Variants in CADM2 observed in about 807,000 individuals in gnomAD.
CADM2 encodes the protein immunoglobulin superfamily member 4D.
In CADM2, 12 loss-of-function variants were observed where a neutral mutation model predicts 49.8. The ratio of observed to expected loss-of-function variants is 0.24; its 90% confidence interval spans 0.15 to 0.39. The LOEUF (loss-of-function observed/expected upper bound fraction) is 0.39. Among genes scored for constraint, CADM2 ranks in the 10% least tolerant of loss-of-function variants. CADM2 has a pLI of 1.00. For missense variants in CADM2, 378 were observed against 492.3 expected (o/e 0.77, Z 2.20); for synonymous variants, 214 against 175.4 (o/e 1.22, Z -1.74).
chr3:86,018,193 C>A (rs1732577061), intron 8 of CADM2, among the ~76,000 whole-genome samples: 1 of 123,966 alleles, frequency 8.1e-6, no homozygotes, highest in Non-Finnish European at 1.7e-5. Context: ...CATGTCCCTA[C>A]AAAGGACATG....
intron 1 of CADM2, among the ~76,000 whole-genome samples, chr3:85,178,051 G>A (rs934832258): frequency 6.6e-6 from 1 of 151,802 alleles, no homozygotes; most frequent in African/African-American, 2.4e-5. Flanking sequence ...CTGTACTACT[G>A]TTCTGAAACA....
At chr3:85,970,433 T>C (rs1408533338) in intron 8 of CADM2, among the ~76,000 whole-genome samples, 2 of 151,530 alleles carry the variant, frequency 1.3e-5, no homozygotes, top group African/African-American at 4.8e-5. Flanking sequence ...TTTAGTTTTA[T>C]TCAGGGATTG....
intron 1 of CADM2, among the ~76,000 whole-genome samples, chr3:85,258,811 G>A (rs7635613): frequency 0.23 from 34,330 of 151,950 alleles, 6,462 homozygotes; most frequent in African/African-American, 0.52. Context: ...ACGAAGAATG[G>A]AAGATGGCAT....
intron 1 of CADM2, among the ~76,000 whole-genome samples, chr3:84,983,626 C>A (rs868279067): frequency 6.6e-6 from 1 of 151,954 alleles, no homozygotes; most frequent in Non-Finnish European, 1.5e-5. Context: ...AATTAGGAAA[C>A]GAAGAGAAGT....
intron 1 of CADM2, among the ~76,000 whole-genome samples, chr3:85,225,109 T>G (rs1283934209): frequency 6.6e-6 from 1 of 152,186 alleles, no homozygotes; most frequent in Non-Finnish European, 1.5e-5. Context: ...CATATGAACT[T>G]TAAAGTAGTT....
At chr3:85,912,937 T>C (rs955934038) in intron 6 of CADM2, among the ~76,000 whole-genome samples, 18 of 152,206 alleles carry the variant, frequency 1.2e-4, no homozygotes, top group Non-Finnish European at 2.1e-4. Context: ...TTCTCAGCTA[T>C]GCTTTTAAGA....
At chr3:85,704,961 C>G (rs2066895861) in intron 1 of CADM2, among the ~76,000 whole-genome samples, 1 of 150,752 alleles carries the variant, frequency 6.6e-6, no homozygotes, top group South Asian at 2.1e-4. Flanking sequence ...CGGGTTCACG[C>G]CATCCTACTG....
chr3:85,300,244 G>A (rs1236188984), intron 1 of CADM2, among the ~76,000 whole-genome samples: 2 of 152,054 alleles, frequency 1.3e-5, no homozygotes, highest in Admixed American at 1.3e-4. Flanking sequence ...GAGCAGGTCT[G>A]GGAAGAAGGT....
chr3:85,597,704 T>A (rs1035105144), intron 1 of CADM2, among the ~76,000 whole-genome samples: 4 of 152,070 alleles, frequency 2.6e-5, no homozygotes, highest in South Asian at 2.1e-4. Context: ...AAAGTGCATC[T>A]TAAAATCTGA....
At chr3:85,976,521 G>T (rs1302120243) in intron 8 of CADM2, among the ~76,000 whole-genome samples, 2 of 151,494 alleles carry the variant, frequency 1.3e-5, no homozygotes, top group Non-Finnish European at 3.0e-5. Context: ...CTGAAATAAT[G>T]GGGTGGTCTT....
intron 5 of CADM2, among the ~76,000 whole-genome samples, chr3:85,895,944 G>A (rs904391112): frequency 6.6e-6 from 1 of 152,170 alleles, no homozygotes; most frequent in Middle Eastern, 3.4e-3. Context: ...TCAGCCTTGG[G>A]GGTGTCTTTA....
At chr3:85,142,447 A>C (rs1352830482) in intron 1 of CADM2, among the ~76,000 whole-genome samples, 4 of 152,204 alleles carry the variant, frequency 2.6e-5, no homozygotes, top group Non-Finnish European at 5.9e-5. Flanking sequence ...GAAATTATCC[A>C]AAAGGATTTG....
chr3:85,836,996 G>A (rs2074438418), intron 3 of CADM2, among the ~76,000 whole-genome samples: 1 of 151,464 alleles, frequency 6.6e-6, no homozygotes, highest in Non-Finnish European at 1.5e-5. Context: ...ATTTTCTTCT[G>A]TAGTTGTAAA....
At chr3:85,382,256 A>G (rs1029002061) in intron 1 of CADM2, among the ~76,000 whole-genome samples, 1 of 152,198 alleles carries the variant, frequency 6.6e-6, no homozygotes, top group African/African-American at 2.4e-5. Flanking sequence ...ATTGGCAGAG[A>G]AGTGCTTATA....
chr3:84,982,757 T>A lies in CADM2; in HGVS notation c.61+23089T>A, dbSNP rs1404993746. ...TATACATTTTTTGTTTTTTTAATTT[T>A]TTTTTTGAGACTTAGTCTTGCTCTA... On this transcript the variant is annotated intron_variant, in intron 1 of 9. Transcript: ENST00000383699. Among the ~76,000 whole-genome samples, 3 of 146,158 alleles carry A rather than the reference T, an allele frequency of 2.1e-5. No homozygotes were observed. In the East Asian group the frequency reaches 6.0e-4, roughly 29 times the overall value.
chr3:84,965,588 C>T (rs1368644697), intron 1 of CADM2, among the ~76,000 whole-genome samples: 1 of 152,126 alleles, frequency 6.6e-6, no homozygotes, highest in Admixed American at 6.5e-5. Flanking sequence ...TAATTTTCTT[C>T]CAAACTATCG....
At chr3:85,659,070 A>ATAATAAT (rs950349061) in intron 1 of CADM2, among the ~76,000 whole-genome samples, 7 of 148,420 alleles carry the variant, frequency 4.7e-5, no homozygotes, top group African/African-American at 1.7e-4. Context: ...AATAATAATA[A>ATAATAAT]TAATAATAAT....
chr3:86,020,036 A>G (rs1732912432), intron 8 of CADM2, among the ~76,000 whole-genome samples: 1 of 152,220 alleles, frequency 6.6e-6, no homozygotes, highest in Non-Finnish European at 1.5e-5. Flanking sequence ...CCTTCAAAAA[A>G]TTAATCCAGG....
At chr3:85,809,967 T>A (rs1463911685) in intron 3 of CADM2, among the ~76,000 whole-genome samples, 1 of 151,878 alleles carries the variant, frequency 6.6e-6, no homozygotes, top group Non-Finnish European at 1.5e-5. Flanking sequence ...TTGAATCGTG[T>A]TCCCCTTAGG....
Sources: gnomAD v4.1 joint callset for allele counts (sites outside exome capture counted in the v4.1 genomes callset) on GRCh38, gnomAD v4.1.1 for gene constraint, MANE v1.5 for transcripts, NCBI Gene and HGNC (gene_info 2026-07-23, HGNC 2026-07-21) for gene names.